PDE1C: variants seen among roughly 807,000 people sequenced by gnomAD.
PDE1C encodes dual specificity calcium/calmodulin-dependent 3',5'-cyclic nucleotide phosphodiesterase 1C.
In PDE1C, 62 loss-of-function variants were observed where a neutral mutation model predicts 93.1. That is an observed-to-expected ratio of 0.67 (90% CI 0.54 to 0.82). The LOEUF is 0.82. Ranked by LOEUF, PDE1C falls within the 40% of genes least tolerant of loss-of-function variation. PDE1C has a pLI of 0.00. For synonymous variants in PDE1C, 325 were observed against 310.1 expected (o/e 1.05, Z -0.50); for missense variants, 742 against 884.6 (o/e 0.84, Z 2.04).
the PDE1C span, among the ~76,000 whole-genome samples, chr7:31,641,490 A>G: frequency 5.9e-5 from 9 of 152,150 alleles, no homozygotes; most frequent in Non-Finnish European, 1.0e-4. Flanking sequence ...AAAAAAATCC[A>G]TAATTTAATC....
the PDE1C span, among the ~76,000 whole-genome samples, chr7:31,729,869 G>C: frequency 2.0e-5 from 3 of 152,174 alleles, no homozygotes; most frequent in Non-Finnish European, 4.4e-5. Context: ...TGTAGACAAA[G>C]CATGAAGACA....
chr7:31,779,608 A>G (rs750568420), intron 16 of PDE1C, among the ~76,000 whole-genome samples: 1 of 152,130 alleles, frequency 6.6e-6, no homozygotes, highest in Non-Finnish European at 1.5e-5. Context: ...CAGGACAGGG[A>G]TGAAGCCATC....
intron 1 of PDE1C, among the ~76,000 whole-genome samples, chr7:32,315,012 C>A (rs1585104659): frequency 6.7e-6 from 1 of 148,748 alleles, no homozygotes; most frequent in Non-Finnish European, 1.5e-5. Flanking sequence ...ACACACACCC[C>A]ACTTTTATAT....
chr7:31,656,194 C>T, the PDE1C span: 1 of 241,254 alleles, frequency 4.1e-6, no homozygotes, highest in Non-Finnish European at 6.7e-6. Context: ...TAGGTCATAT[C>T]TTCTCTAGTA....
intron 3 of PDE1C, among the ~76,000 whole-genome samples, chr7:32,085,026 G>A (rs1310124324): frequency 2.4e-5 from 3 of 127,180 alleles, no homozygotes; most frequent in African/African-American, 9.4e-5. Context: ...AGGAAATAGA[G>A]ACACAAAAAA....
intron 17 of PDE1C, among the ~76,000 whole-genome samples, chr7:31,768,622 G>A (rs1054781639): frequency 5.3e-5 from 8 of 152,166 alleles, no homozygotes; most frequent in Middle Eastern, 3.4e-3. Flanking sequence ...GAAACATCCC[G>A]CCTTCCATCT....
At chr7:32,122,103 CA>C (rs1799333861) in intron 3 of PDE1C, among the ~76,000 whole-genome samples, 1 of 151,978 alleles carries the variant, frequency 6.6e-6, no homozygotes, top group Non-Finnish European at 1.5e-5. Flanking sequence ...TTTAAACCAA[CA>C]AAGATCAAAA....
chr7:32,197,476 T>C (rs1032143681), intron 2 of PDE1C, among the ~76,000 whole-genome samples: 1 of 152,166 alleles, frequency 6.6e-6, no homozygotes, highest in Non-Finnish European at 1.5e-5. Context: ...AAAACACATA[T>C]ACACTTTTTA....
chr7:32,417,059 T>G (rs913472100), intron 1 of PDE1C, among the ~76,000 whole-genome samples: 3 of 152,160 alleles, frequency 2.0e-5, no homozygotes, highest in Non-Finnish European at 2.9e-5. Context: ...TTTTAAATGC[T>G]GCCACCTCCC....
rs188980947 is a variant in PDE1C at position 31,870,682 on chromosome 7, G to A, written c.609+2610C>T. ...CAAATTCCTCCAAACTTTCAAAGAA[G>A]GACTAACATCAGTTCTCCTCAAACT... On this transcript the variant is annotated intron_variant, in intron 6 of 17. Coordinates refer to ENST00000396191, the MANE Select transcript of PDE1C (RefSeq NM_001191057.4). Among the ~76,000 whole-genome samples, 4 of 152,034 alleles carry A rather than the reference G, an allele frequency of 2.6e-5. No homozygotes were observed. The East Asian group carries it at 7.7e-4, about 29-fold the overall frequency.
chr7:32,294,527 A>C (rs1812520308), intron 1 of PDE1C, among the ~76,000 whole-genome samples: 1 of 152,226 alleles, frequency 6.6e-6, no homozygotes, highest in African/African-American at 2.4e-5. Context: ...ATGAACAGGG[A>C]GGAGCATCAA....
chr7:31,850,099 G>C (rs576098292), intron 8 of PDE1C, among the ~76,000 whole-genome samples: 1 of 152,028 alleles, frequency 6.6e-6, no homozygotes. Flanking sequence ...GGTTGCTCAC[G>C]GTGAAAGTAG....
chr7:31,830,675 C>T (rs1423656817), intron 11 of PDE1C, among the ~76,000 whole-genome samples: 1 of 152,036 alleles, frequency 6.6e-6, no homozygotes, highest in East Asian at 1.9e-4. Context: ...ACAGCTAGAC[C>T]CCATTGCCTA....
the PDE1C span, among the ~76,000 whole-genome samples, chr7:31,620,940 T>C: frequency 6.6e-6 from 1 of 151,754 alleles, no homozygotes; most frequent in Non-Finnish European, 1.5e-5. Context: ...AAGCCAAGGC[T>C]CAAGAACTAT....
intron 1 of PDE1C, among the ~76,000 whole-genome samples, chr7:32,368,572 T>C (rs1043776419): frequency 3.3e-5 from 5 of 152,172 alleles, no homozygotes; most frequent in African/African-American, 1.2e-4. Flanking sequence ...AAAATGACCA[T>C]AGTACTCAAA....
chr7:31,643,726 G>A, the PDE1C span: 1 of 1,614,028 alleles, frequency 6.2e-7, no homozygotes, highest in South Asian at 1.1e-5. Context: ...CGTCTCTCTA[G>A]ACTCAGGCTT....
intron 2 of PDE1C, among the ~76,000 whole-genome samples, chr7:32,001,094 C>T (rs1368262017): frequency 6.6e-6 from 1 of 152,082 alleles, no homozygotes; most frequent in Non-Finnish European, 1.5e-5. Context: ...TACAATCACA[C>T]TCTGTAAAAG....
chr7:31,744,761 A>C, the PDE1C span, among the ~76,000 whole-genome samples: 1 of 152,200 alleles, frequency 6.6e-6, no homozygotes, highest in African/African-American at 2.4e-5. Flanking sequence ...AAGGCATTTT[A>C]GCCTAGTTTA....
rs76121385 is a variant in PDE1C, at chr7:32,291,387, C to T, written c.85+7264G>A. Among the ~76,000 whole-genome samples the T allele has an allele frequency of 4.1e-3, 624 of 152,250 alleles. 6 individuals carry two copies. The highest frequency in any genetic ancestry group is 0.014 in the African/African-American group (569 of 41,536). ...ACAAATATAGCAGCATGAATTGAAG[C>T]CAAAAAGGTTTCATATCACATCAGA... On this transcript the variant is annotated intron_variant, in intron 1 of 18. Coordinates refer to the PDE1C transcript ENST00000396193.
Sources: gnomAD v4.1 joint callset for allele counts (sites outside exome capture counted in the v4.1 genomes callset) on GRCh38, gnomAD v4.1.1 for gene constraint, MANE v1.5 for transcripts, NCBI Gene and HGNC (gene_info 2026-07-23, HGNC 2026-07-21) for gene names.